The following KIRREL1 variants were observed in gnomAD, a reference collection of about 807,000 sequenced individuals.
KIRREL1 encodes the protein kin of IRRE-like protein 1.
In KIRREL1, 25 loss-of-function variants were observed where a neutral mutation model predicts 83.3. That is an observed-to-expected ratio of 0.30 (90% confidence interval 0.22 to 0.42). The LOEUF (loss-of-function observed/expected upper bound fraction) is 0.42. Among genes scored for constraint, KIRREL1 ranks in the 10% least tolerant of loss-of-function variants. KIRREL1 has a pLI of 1.00. For synonymous variants in KIRREL1, 388 were observed against 410.4 expected (o/e 0.95, Z 0.66); for missense variants, 812 against 1,032.3 (o/e 0.79, Z 2.92).
chr1:158,083,164 G>A (rs1054000414), intron 3 of KIRREL1, among the ~76,000 whole-genome samples: 8 of 152,108 alleles, frequency 5.3e-5, no homozygotes, highest in Non-Finnish European at 7.4e-5. Flanking sequence ...ATCATACATC[G>A]GTCAATTGAA....
intron 1 of KIRREL1, among the ~76,000 whole-genome samples, chr1:158,015,145 G>A (rs1659795148): frequency 6.6e-6 from 1 of 152,106 alleles, no homozygotes; most frequent in Non-Finnish European, 1.5e-5. Flanking sequence ...ACAGCTGGCT[G>A]GCCCCTCACC....
In KIRREL1 at chr1:158,093,418, A is replaced by G; in HGVS notation, c.1551A>G (p.Val517=). 6.2e-7 allele frequency: 1 copy of G among 1,614,130 alleles called. No individual in the cohort carries two copies. The change falls in exon 12 of 15, where the codon GTA becomes GTG. Residue 517 remains valine, a synonymous_variant. Transcript: ENST00000359209. The stretch of plus-strand genomic sequence containing the variant: ...TCATCTTCTTCTTCATCGCCTTGGT[A>G]TTCTTCCTCTACCGGCGCCGCAAAG... ...ILLIFFFIAL[V]FFLYRRRKGS...
intron 1 of KIRREL1, among the ~76,000 whole-genome samples, chr1:158,034,269 C>CAAA (rs750353894): frequency 3.3e-4 from 38 of 113,612 alleles, no homozygotes; most frequent in African/African-American, 4.7e-4. Flanking sequence ...GACTCCGTCT[C>CAAA]AAAAAAAAAA....
At chr1:158,020,302 C>A (rs1044214969) in intron 1 of KIRREL1, among the ~76,000 whole-genome samples, 1 of 152,220 alleles carries the variant, frequency 6.6e-6, no homozygotes, top group South Asian at 2.1e-4. Flanking sequence ...CACTTCCCAT[C>A]CTTTACTCTC....
intron 1 of KIRREL1, among the ~76,000 whole-genome samples, chr1:158,063,206 G>A (rs898176665): frequency 1.3e-5 from 2 of 152,142 alleles, no homozygotes; most frequent in African/African-American, 4.8e-5. Context: ...TCCAACTTAC[G>A]AGGCTATAGT....
chr1:158,086,894 C>G, intron 5 of KIRREL1, 148 bp downstream of exon 5: 1 of 758,568 alleles, frequency 1.3e-6, no homozygotes. Context: ...CTTTCATTCC[C>G]TGGATTGAAC....
chr1:158,006,974 G>C (rs989765914), intron 1 of KIRREL1, among the ~76,000 whole-genome samples: 1 of 152,250 alleles, frequency 6.6e-6, no homozygotes, highest in African/African-American at 2.4e-5. Context: ...AGAGATAGCA[G>C]TGTAAGCAGA....
At chr1:158,011,207 T>C (rs17418566) in intron 1 of KIRREL1, among the ~76,000 whole-genome samples, 3,885 of 152,346 alleles carry the variant, frequency 0.026, 76 homozygotes, top group Middle Eastern at 0.068. Flanking sequence ...TATCTCACTT[T>C]ACACTCGGTT....
In KIRREL1 at chr1:158,092,849, A is replaced by C. The variant is rs921739963; in HGVS notation, c.1472-490A>C. ...GAGCTCTTCCTCAGCTCTGGGAAGC[A>C]GAGGAAACCAAGGAAAACTGTTGGA... On this transcript the variant is annotated intron_variant, in intron 11 of 14. Coordinates refer to ENST00000359209, the MANE Select transcript of KIRREL1 (RefSeq NM_018240.7). 1.2e-4 allele frequency among the ~76,000 whole-genome samples: 19 copies of C among 152,226 alleles called. 1 individual carries two copies. The highest frequency in any genetic ancestry group is 2.8e-4 in the Non-Finnish European group (19 of 68,034).
intron 1 of KIRREL1, among the ~76,000 whole-genome samples, chr1:158,056,182 A>G (rs1360572195): frequency 1.3e-5 from 2 of 152,100 alleles, no homozygotes; most frequent in Non-Finnish European, 2.9e-5. Context: ...TCTGTTTGTC[A>G]ACACCATTCC....
intron 1 of KIRREL1, among the ~76,000 whole-genome samples, chr1:158,060,651 C>T (rs985213979): frequency 6.6e-6 from 1 of 152,192 alleles, no homozygotes; most frequent in Non-Finnish European, 1.5e-5. Context: ...CTTTTCATCT[C>T]CCCTCATCAG....
chr1:158,038,542 G>T (rs1286710515), intron 1 of KIRREL1, among the ~76,000 whole-genome samples: 1 of 131,498 alleles, frequency 7.6e-6, no homozygotes, highest in Non-Finnish European at 1.5e-5. Flanking sequence ...GTCTGGGCTG[G>T]TCTTAAACTC....
rs1179994169 is a variant in KIRREL1, at chr1:158,099,529, T to C, written c.*4409T>C. On this transcript the variant is annotated 3_prime_UTR_variant, in exon 15 of 15. Coordinates refer to ENST00000359209, the MANE Select transcript of KIRREL1 (RefSeq NM_018240.7). ...TGTGGGGGTTAGTGGGGAATCCCAT[T>C]TTTTTGCATCACTGTGAGGTAGCTT... The C allele has an allele frequency of 6.6e-6, 1 of 152,148 alleles. No homozygotes were observed. The highest frequency in any genetic ancestry group is 2.4e-5 in the African/African-American group (1 of 41,412). The allele number at this position is 152,148 out of a possible 1,614,324, so 9.4% of individuals were successfully genotyped here.
chr1:158,041,646 C>T (rs564337133), intron 1 of KIRREL1, among the ~76,000 whole-genome samples: 28 of 152,340 alleles, frequency 1.8e-4, no homozygotes, highest in Admixed American at 1.2e-3. Context: ...TCTCCACCCT[C>T]GCTTGGGCTT....
intron 1 of KIRREL1, among the ~76,000 whole-genome samples, chr1:158,051,203 C>T (rs1660902733): frequency 6.6e-6 from 1 of 152,188 alleles, no homozygotes; most frequent in African/African-American, 2.4e-5. Flanking sequence ...AGTGCATACT[C>T]GGTGCCTTCC....
At position 158,055,047 on chromosome 1, in the gene KIRREL1, T is replaced by C. The variant is rs150173931; in HGVS notation, c.53-21066T>C. ...GGGCCATCCACCATCAATCACCATT[T>C]TACCATGGATGAAACTGGGACTTAG... On this transcript the variant is annotated intron_variant, in intron 1 of 14. Coordinates refer to ENST00000359209, the MANE Select transcript of KIRREL1 (RefSeq NM_018240.7). Among the ~76,000 whole-genome samples, 10 of 152,202 alleles carry C rather than the reference T, an allele frequency of 6.6e-5. No homozygotes were observed. The East Asian group carries it at 1.9e-3, about 29-fold the overall frequency.
chr1:158,076,323 A>T (rs979901967), intron 2 of KIRREL1, 61 bp downstream of exon 2: 6 of 1,510,528 alleles, frequency 4.0e-6, no homozygotes, highest in Non-Finnish European at 5.5e-6. Flanking sequence ...CCCCACTTCC[A>T]GCATAGATTC....
intron 1 of KIRREL1, among the ~76,000 whole-genome samples, chr1:158,071,454 C>T (rs1399578641): frequency 6.6e-6 from 1 of 152,204 alleles, no homozygotes; most frequent in African/African-American, 2.4e-5. Context: ...CTCACCACAG[C>T]TGTGATGGTG....
chr1:158,048,331 A>C (rs548527136), intron 1 of KIRREL1, among the ~76,000 whole-genome samples: 2 of 152,370 alleles, frequency 1.3e-5, no homozygotes, highest in East Asian at 3.9e-4. Context: ...ACTGAGGCAC[A>C]GAGCACTAAA....
Sources: gnomAD v4.1 joint callset for allele counts (sites outside exome capture counted in the v4.1 genomes callset) on GRCh38, gnomAD v4.1.1 for gene constraint, MANE v1.5 for transcripts, NCBI Gene and HGNC (gene_info 2026-07-23, HGNC 2026-07-21) for gene names.